Variants in MZT2A observed in about 807,000 individuals in gnomAD.
MZT2A encodes mitotic spindle organizing protein 2A, also known as mitotic-spindle organizing protein 2A.
MZT2A carries 8 observed loss-of-function variants against 12.4 expected under a neutral mutation model. The ratio of observed to expected loss-of-function variants is 0.64; its 90% CI spans 0.38 to 1.16. MZT2A has a LOEUF of 1.16. Among genes scored for constraint, MZT2A ranks in the 50% most tolerant of loss-of-function variants. The pLI is 0.01. For missense variants in MZT2A, 181 were observed against 223.6 expected (o/e 0.81, Z 1.22); for synonymous variants, 88 against 107.5 (o/e 0.82, Z 1.12).
upstream of MZT2A, chr2:131,493,200 C>G: frequency 7.2e-7 from 1 of 1,387,102 alleles, no homozygotes; most frequent in Non-Finnish European, 9.3e-7. Flanking sequence ...TCCGCGAGCC[C>G]CTGCGGAGGC....
intron 2 of MZT2A, among the ~76,000 whole-genome samples, chr2:131,485,500 C>G (rs996350350): frequency 3.3e-5 from 5 of 152,212 alleles, no homozygotes; most frequent in African/African-American, 1.2e-4. Flanking sequence ...CTGGCTGTCC[C>G]TCGTGAGGGC....
intron 2 of MZT2A, among the ~76,000 whole-genome samples, chr2:131,486,105 G>A (rs1250395226): frequency 2.0e-5 from 3 of 150,630 alleles, no homozygotes; most frequent in African/African-American, 7.5e-5. Context: ...GATGGAGTCA[G>A]GGTTGCCCTG....
At chr2:131,488,121 G>A (rs1679129777) in intron 2 of MZT2A, among the ~76,000 whole-genome samples, 2 of 152,304 alleles carry the variant, frequency 1.3e-5, no homozygotes, top group Admixed American at 6.5e-5. Context: ...CCAGCCATGT[G>A]TGGCTCGAAG....
chr2:131,484,271 G>C, intron 2 of MZT2A, 53 bp from the exon 3 acceptor site: 1 of 1,593,394 alleles, frequency 6.3e-7, no homozygotes, highest in Non-Finnish European at 8.6e-7. Context: ...CATAAATGCA[G>C]CACCTGCTGT....
rs918030127 is a variant in MZT2A at position 131,470,319 on chromosome 2, A to G, written c.420T>C (p.His140=). 21 of 1,229,838 alleles carry G rather than the reference A, an allele frequency of 1.7e-5. 1 individual carries two copies. The highest frequency in any genetic ancestry group is 1.4e-4 in the South Asian group (11 of 77,556). 76.2% of individuals were successfully genotyped at this position (1,229,838 alleles called of 1,614,324 possible). The change falls in exon 4 of 5, where the codon CAT becomes CAC. Residue 140 remains histidine (H), a synonymous_variant and NMD_transcript_variant. Transcript: ENST00000427024. ...TTCAGTTCTTTGGCTTGGGATTTCA[A>G]TGTCTCTGAAGCTTCAACCAATTGC...
chr2:131,478,185 G>A lies in MZT2A; in HGVS notation c.279-6003C>T, dbSNP rs772996766. On this transcript the variant is annotated intron_variant and NMD_transcript_variant, in intron 2 of 4. Transcript: ENST00000427024. The stretch of plus-strand genomic sequence containing the variant: ...ACAGCGCGAGTGTATCTCTATCCAC[G>A]TGGGGCAGGCGGGTGTCCAGATCGG... 1.4e-5 allele frequency: 23 copies of A among 1,613,502 alleles called. No individual in the cohort carries two copies. Among genetic ancestry groups the A allele is most frequent in the Non-Finnish European group, 1.9e-5 (22 of 1,179,750 alleles).
At chr2:131,477,868 T>C (rs1313983095) in intron 2 of MZT2A, among the ~76,000 whole-genome samples, 1 of 152,162 alleles carries the variant, frequency 6.6e-6, no homozygotes, top group African/African-American at 2.4e-5. Context: ...TGACGGGCTA[T>C]AATGTGGGGT....
intron 2 of MZT2A, among the ~76,000 whole-genome samples, chr2:131,485,069 G>C (rs1229581715): frequency 1.3e-5 from 2 of 152,216 alleles, no homozygotes; most frequent in African/African-American, 4.8e-5. Context: ...ACGTGCCCGG[G>C]TAGCAGGCTT....
intron 2 of MZT2A, among the ~76,000 whole-genome samples, chr2:131,485,084 G>A (rs1161347453): frequency 1.3e-5 from 2 of 152,154 alleles, no homozygotes; most frequent in African/African-American, 2.4e-5. Flanking sequence ...AGGCTTGCCC[G>A]TGGGGTCACA....
chr2:131,485,735 T>A (rs1020573982), intron 2 of MZT2A, among the ~76,000 whole-genome samples: 5 of 152,048 alleles, frequency 3.3e-5, no homozygotes, highest in African/African-American at 1.2e-4. Flanking sequence ...TGGCCTCTTA[T>A]CAAGTGTAGT....
chr2:131,471,929 G>C lies in MZT2A; in HGVS notation c.393+139C>G, dbSNP rs925061107. 4.1e-5 allele frequency: 30 copies of C among 728,260 alleles called. No homozygotes were observed. In the African/African-American group the frequency reaches 5.6e-4, roughly 14 times the overall value. The allele number at this position is 728,260 out of a possible 1,614,324, so 45.1% of individuals were successfully genotyped here. A position where few individuals can be genotyped will look rare whatever the true frequency, so the allele number is the denominator to read the frequency against. Reference sequence around the variant, plus strand: ...CAGCAGGGGCCCTAGAACCAGGCTTGGCCCTGTTGTCCTGCGTGCAGCAGG... The same window carrying C: ...CAGCAGGGGCCCTAGAACCAGGCTTCGCCCTGTTGTCCTGCGTGCAGCAGG... On this transcript the variant is annotated intron_variant and NMD_transcript_variant, in intron 3 of 4. Coordinates refer to the MZT2A transcript ENST00000427024.
At chr2:131,489,966 T>G in intron 2 of MZT2A, 2 of 977,620 alleles carry the variant, frequency 2.0e-6, no homozygotes, top group Non-Finnish European at 2.4e-6. Context: ...AAGAACTCTG[T>G]TCCCAGTTTC....
At chr2:131,485,464 C>T (rs930549024) in intron 2 of MZT2A, among the ~76,000 whole-genome samples, 2 of 152,176 alleles carry the variant, frequency 1.3e-5, no homozygotes, top group African/African-American at 2.4e-5. Flanking sequence ...CCCCTCAGTG[C>T]GGTGTGCCTA....
At chr2:131,493,470 A>T (rs539057406), upstream of MZT2A, among the ~76,000 whole-genome samples, 114 of 152,202 alleles carry the variant, frequency 7.5e-4, 1 homozygote, top group South Asian at 3.7e-3. Flanking sequence ...GCGGTGTGGG[A>T]GGAAGAGCCG....
At chr2:131,475,175 C>G (rs982953102) in intron 2 of MZT2A, among the ~76,000 whole-genome samples, 1 of 151,772 alleles carries the variant, frequency 6.6e-6, no homozygotes, top group African/African-American at 2.4e-5. Flanking sequence ...CAAGGTGGGT[C>G]TCACCACGTT....
chr2:131,493,112 T>A, upstream of MZT2A: 1 of 1,489,604 alleles, frequency 6.7e-7, no homozygotes, highest in Non-Finnish European at 9.0e-7. Flanking sequence ...CTTCCACCTC[T>A]GAAGCGGGCG....
At chr2:131,492,093 C>G in intron 1 of MZT2A, 69 bp from the exon 2 acceptor site, 1 of 1,570,510 alleles carries the variant, frequency 6.4e-7, no homozygotes, top group South Asian at 1.2e-5. Flanking sequence ...GAAGACCGGA[C>G]AAGGACGGGG....
exon 4 of MZT2A, chr2:131,470,224 G>C (rs1317827026): frequency 4.4e-6 from 2 of 453,106 alleles, no homozygotes; most frequent in African/African-American, 4.5e-5. Context: ...TCTGGGAGTA[G>C]AGCTCTGCCA....
chr2:131,476,137 C>G (rs1190864861), intron 2 of MZT2A: 11 of 1,612,684 alleles, frequency 6.8e-6, no homozygotes, highest in Admixed American at 3.3e-5. Flanking sequence ...GTTGGGCGCT[C>G]AGCAGCTGTG....
Sources: allele counts gnomAD v4.1 joint callset (sites outside exome capture counted in the v4.1 genomes callset), GRCh38; gene constraint gnomAD v4.1.1; transcripts MANE v1.5; gene names NCBI Gene and HGNC (gene_info 2026-07-23, HGNC 2026-07-21).